Variants in EHD2 observed in about 807,000 individuals in gnomAD.
EHD2 encodes EH domain-containing protein 2.
EHD2 carries 27 observed loss-of-function variants against 41.0 expected under a neutral mutation model. That is an observed-to-expected ratio of 0.66 (90% confidence interval 0.49 to 0.91). The LOEUF (loss-of-function observed/expected upper bound fraction) is 0.91. Ranked by LOEUF, EHD2 falls within the 40% of genes least tolerant of loss-of-function variation. EHD2 has a pLI of 0.00. For synonymous variants in EHD2, 342 were observed against 341.0 expected, an observed-to-expected ratio of 1.00 and a Z score of -0.03; for missense variants, 673 against 773.9, an observed-to-expected ratio of 0.87 and a Z score of 1.55.
intron 3 of EHD2, among the ~76,000 whole-genome samples, chr19:47,725,553 G>A (rs1973741852): frequency 6.6e-6 from 1 of 152,206 alleles, no homozygotes; most frequent in East Asian, 1.9e-4. Context: ...AAAGGAAAAG[G>A]GGGATGATTG....
At chr19:47,716,445 C>A in intron 1 of EHD2, 113 bp from the exon 2 acceptor site, 2 of 669,534 alleles carry the variant, frequency 3.0e-6, no homozygotes, top group Non-Finnish European at 4.7e-6. Flanking sequence ...CCACAAATAT[C>A]TGTGCTCCTC....
chr19:47,714,899 G>T (rs1197005551), intron 1 of EHD2, among the ~76,000 whole-genome samples: 1 of 151,970 alleles, frequency 6.6e-6, no homozygotes, highest in African/African-American at 2.4e-5. Context: ...TTAACTGGGT[G>T]TGGTGGTGCA....
At chr19:47,729,229 C>T (rs1973783610) in intron 4 of EHD2, among the ~76,000 whole-genome samples, 1 of 151,876 alleles carries the variant, frequency 6.6e-6, no homozygotes, top group Admixed American at 6.6e-5. Flanking sequence ...GAGAGGGCAT[C>T]TGAGGGGAAA....
chr19:47,718,671 G>C (rs1289706293), intron 3 of EHD2, 65 bp downstream of exon 3: 1 of 1,416,822 alleles, frequency 7.1e-7, no homozygotes, highest in African/African-American at 1.6e-5. Context: ...CTGGGTCTGA[G>C]GGAGGAGGGA....
In EHD2 at chr19:47,726,015, C is replaced by G. The variant is rs1973747659; in HGVS notation, c.706C>G (p.Leu236Val). The change falls in exon 4 of 6, where the codon CTC (leucine) becomes GTC (valine). Residue 236 changes from leucine to valine, a missense_variant. Leu to Val is a conservative substitution (Grantham distance 32). Transcript: ENST00000263277. ...TQQLMRVYGA[L>V]MWALGKVVGT... ...GCAGCTGATGCGCGTCTACGGCGCGCTCATGTGGGCGCTGGGCAAGGTGGT... is the reference window on the plus strand; with the variant it reads ...GCAGCTGATGCGCGTCTACGGCGCGGTCATGTGGGCGCTGGGCAAGGTGGT... The G allele has an allele frequency of 6.2e-7, 1 of 1,602,260 alleles. No homozygotes were observed. Among genetic ancestry groups the G allele is most frequent in the African/African-American group, 1.3e-5 (1 of 74,696 alleles).
At chr19:47,717,312 G>T (rs1265318764) in intron 2 of EHD2, among the ~76,000 whole-genome samples, 3 of 152,082 alleles carry the variant, frequency 2.0e-5, no homozygotes, top group Non-Finnish European at 4.4e-5. Flanking sequence ...GCCTCCCAAA[G>T]TGTTGGGATT....
rs192939514 is a variant in EHD2 at position 47,741,996 on chromosome 19, C to T, written c.*564C>T. On this transcript the variant is annotated 3_prime_UTR_variant, in exon 6 of 6. Coordinates refer to ENST00000263277, the MANE Select transcript of EHD2 (RefSeq NM_014601.4). This position sits in a 1 kb window ranked among gnomAD's most constrained non-coding sequence, Gnocchi z 4.5. Reference sequence around the variant, plus strand: ...AGGCAACACCCTCAACCGGCTCCATCACATCCTCAGGTCTCGGGACCATGG... The same window carrying T: ...AGGCAACACCCTCAACCGGCTCCATTACATCCTCAGGTCTCGGGACCATGG... 2.3e-3 allele frequency: 1,060 copies of T among 455,326 alleles called. 5 individuals carry two copies. Among genetic ancestry groups the T allele is most frequent in the Admixed American group, 6.4e-3 (273 of 42,342 alleles). The allele number at this position is 455,326 out of a possible 1,614,324, so 28.2% of individuals were successfully genotyped here.
At chr19:47,731,810 C>T (rs1236058218) in intron 4 of EHD2, among the ~76,000 whole-genome samples, 8 of 109,342 alleles carry the variant, frequency 7.3e-5, no homozygotes, top group African/African-American at 2.0e-4. Flanking sequence ...TTTTTTGAGA[C>T]GGAGTCTCGC....
At chr19:47,720,132 TGC>T (rs1555793274) in intron 3 of EHD2, among the ~76,000 whole-genome samples, 1 of 147,306 alleles carries the variant, frequency 6.8e-6, no homozygotes, top group Non-Finnish European at 1.5e-5. Flanking sequence ...TGTGTGTGTG[TGC>T]GCATGTGCCT....
At chr19:47,731,273 A>ATATATAT (rs1219980161) in intron 4 of EHD2, 1 of 26,650 alleles carries the variant, frequency 3.8e-5, no homozygotes, top group Admixed American at 3.6e-4. Context: ...TCTTTAAAAA[A>ATATATAT]AAAAAAATAT....
At chr19:47,722,057 C>CACACACACACACAG (rs71180871) in intron 3 of EHD2, among the ~76,000 whole-genome samples, 21 of 144,674 alleles carry the variant, frequency 1.5e-4, no homozygotes, top group Admixed American at 4.2e-4. Context: ...CACACACACA[C>CACACACACACACAG]TGGGAATAAT....
In EHD2 at chr19:47,741,582, G is replaced by T; in HGVS notation, c.*150G>T. ...CCTCCTCACTACCGCCAGACACCCC[G>T]GTGGAAGCATTTAGAGGGGACCACG... On this transcript the variant is annotated 3_prime_UTR_variant, in exon 6 of 6. Coordinates refer to ENST00000263277, the MANE Select transcript of EHD2 (RefSeq NM_014601.4). The surrounding 1 kb of genome is among the most constrained non-coding windows in gnomAD (Gnocchi z 4.5). The T allele has an allele frequency of 1.1e-6, 1 of 914,914 alleles. No homozygotes were observed. Among genetic ancestry groups the T allele is most frequent in the Non-Finnish European group, 1.6e-6 (1 of 620,110 alleles). The allele number at this position is 914,914 out of a possible 1,614,324, so 56.7% of individuals were successfully genotyped here.
rs546560601 is a variant in EHD2, at chr19:47,717,616, A to G, written c.404+600A>G. ...GCCTCATCTGCAAAAATGTGGATCAATCACCTTGGGCCAGGCCCGGTGGCT... is the reference window on the plus strand; with the variant it reads ...GCCTCATCTGCAAAAATGTGGATCAGTCACCTTGGGCCAGGCCCGGTGGCT... On this transcript the variant is annotated intron_variant, in intron 2 of 5. Transcript: ENST00000263277. 3.0e-4 allele frequency among the ~76,000 whole-genome samples: 45 copies of G among 152,166 alleles called. No individual in the cohort carries two copies. The South Asian group carries it at 8.9e-3, about 30-fold the overall frequency.
intron 3 of EHD2, among the ~76,000 whole-genome samples, chr19:47,718,970 G>T (rs1275275231): frequency 1.3e-5 from 2 of 150,328 alleles, no homozygotes; most frequent in African/African-American, 5.0e-5. Flanking sequence ...GGAGGGCCTG[G>T]GGTCTGGACT....
At chr19:47,737,877 T>TTTTG (rs1966942189) in intron 5 of EHD2, among the ~76,000 whole-genome samples, 1 of 84,304 alleles carries the variant, frequency 1.2e-5, no homozygotes, top group Non-Finnish European at 2.6e-5. Context: ...CCTGGCTAGC[T>TTTTG]TTTTTTTTTT....
Position 47,719,387 on chromosome 19 carries a change from A to G in EHD2, c.502+781A>G, listed in dbSNP as rs1489609799. ...TGGGAAGGGAATCTGGGTGGGGGCC[A>G]AGGCCAGGCCTGGAATTTATAAACA... On this transcript the variant is annotated intron_variant, in intron 3 of 5. Coordinates refer to ENST00000263277, the MANE Select transcript of EHD2 (RefSeq NM_014601.4). The surrounding 1 kb of genome is among the most constrained non-coding windows in gnomAD (Gnocchi z 4.1). Among the ~76,000 whole-genome samples, 1 of 152,162 alleles carries G rather than the reference A, an allele frequency of 6.6e-6. No individual in the cohort carries two copies. The highest frequency in any genetic ancestry group is 2.4e-5 in the African/African-American group (1 of 41,518).
At chr19:47,715,246 C>A (rs1973613598) in intron 1 of EHD2, among the ~76,000 whole-genome samples, 2 of 151,962 alleles carry the variant, frequency 1.3e-5, no homozygotes, top group South Asian at 4.2e-4. Flanking sequence ...ACCCAGGCAA[C>A]CTTCTCAGCT....
intron 3 of EHD2, among the ~76,000 whole-genome samples, chr19:47,724,736 C>T (rs969830899): frequency 6.6e-6 from 1 of 152,070 alleles, no homozygotes; most frequent in African/African-American, 2.4e-5. Flanking sequence ...ACACATGAGA[C>T]TCTCAGTAAG....
intron 5 of EHD2, among the ~76,000 whole-genome samples, chr19:47,740,425 C>G (rs1004136255): frequency 6.7e-6 from 1 of 149,026 alleles, no homozygotes; most frequent in Non-Finnish European, 1.5e-5. Flanking sequence ...AGTGACAGAG[C>G]GAGACCCTGT....
Sources: allele counts gnomAD v4.1 joint callset (sites outside exome capture counted in the v4.1 genomes callset), GRCh38; gene constraint gnomAD v4.1.1; non-coding constraint Gnocchi (gnomAD v3.1); transcripts MANE v1.5; gene names NCBI Gene and HGNC (gene_info 2026-07-23, HGNC 2026-07-21).